The following CSMD1 variants were observed in gnomAD, a reference collection of about 807,000 sequenced individuals.
CSMD1 encodes CUB and Sushi multiple domains 1, also known as CUB and sushi domain-containing protein 1.
In CSMD1, 213 loss-of-function variants were observed where a neutral mutation model predicts 417.5. The observed-to-expected ratio is 0.51, with a 90% CI of 0.46 to 0.57. CSMD1 has a LOEUF of 0.57. Ranked by LOEUF, CSMD1 falls within the 20% of genes least tolerant of loss-of-function variation. The pLI, the probability that CSMD1 is intolerant of heterozygous loss-of-function variation, is 0.00. For missense variants in CSMD1, 6,923 were observed against 4,529.7 expected (o/e 1.53, Z -15.17); for synonymous variants, 2,862 against 1,736.8 (o/e 1.65, Z -16.11).
At position 4,890,580 on chromosome 8, in the gene CSMD1, G is replaced by T. The variant is rs536933660; in HGVS notation, c.85+103752C>A. ...CTCACAGTCATGGGCATCCTGGGCA[G>T]GACAGGTGAGAGCGTGACTCTGACA... On this transcript the variant is annotated intron_variant, in intron 1 of 69. Coordinates refer to ENST00000635120, the MANE Select transcript of CSMD1 (RefSeq NM_033225.6). 4.5e-4 allele frequency among the ~76,000 whole-genome samples: 67 copies of T among 150,180 alleles called. 1 individual carries two copies. Among genetic ancestry groups the T allele is most frequent in the Middle Eastern group, 3.4e-3 (1 of 292 alleles).
In CSMD1 at chr8:3,359,021, G is replaced by A. The variant is rs754070825; in HGVS notation, c.3304+131C>T. On this transcript the variant is annotated intron_variant, in intron 21 of 69. Transcript: ENST00000635120. ...GCTCCCCTCTCCCCTGGTTGGCAGA[G>A]TGGAGCCCACACTTTCACCCTCTCC... The A allele has an allele frequency of 3.1e-5, 24 of 775,034 alleles. No individual in the cohort carries two copies. In the Admixed American group the frequency reaches 3.2e-4, roughly 10 times the overall value. 48.0% of individuals were successfully genotyped at this position (775,034 alleles called of 1,614,324 possible). A position where few individuals can be genotyped will look rare whatever the true frequency, so the allele number is the denominator to read the frequency against.
intron 3 of CSMD1, among the ~76,000 whole-genome samples, chr8:4,158,629 A>G (rs1407548265): frequency 6.6e-6 from 1 of 152,086 alleles, no homozygotes; most frequent in Admixed American, 6.6e-5. Flanking sequence ...TAATTTTCAC[A>G]GTGGCGTTGC....
At chr8:4,989,363 T>C (rs1384177137) in intron 1 of CSMD1, among the ~76,000 whole-genome samples, 3 of 152,214 alleles carry the variant, frequency 2.0e-5, no homozygotes, top group Non-Finnish European at 2.9e-5. Context: ...ACTGCTGGTC[T>C]CTTAGTCCAA....
At chr8:4,641,220 T>G (rs1803170406) in intron 1 of CSMD1, among the ~76,000 whole-genome samples, 1 of 151,980 alleles carries the variant, frequency 6.6e-6, no homozygotes, top group Admixed American at 6.5e-5. Flanking sequence ...TCAAACAAAC[T>G]TCCAAGAGAA....
At chr8:4,432,262 A>G (rs1797914812) in intron 2 of CSMD1, among the ~76,000 whole-genome samples, 1 of 152,186 alleles carries the variant, frequency 6.6e-6, no homozygotes, top group East Asian at 1.9e-4. Context: ...ACAGGAACTT[A>G]ACTGTTTTCC....
chr8:4,617,470 C>G (rs530536122), intron 2 of CSMD1, among the ~76,000 whole-genome samples: 2 of 152,234 alleles, frequency 1.3e-5, no homozygotes, highest in East Asian at 3.9e-4. Flanking sequence ...TTGCCAGAAA[C>G]AGAAAGGTAA....
At chr8:4,787,557 G>T (rs1302372714) in intron 1 of CSMD1, 3 of 1,445,588 alleles carry the variant, frequency 2.1e-6, no homozygotes. Flanking sequence ...AGAAAATGTG[G>T]GGAGACAGCT....
intron 3 of CSMD1, among the ~76,000 whole-genome samples, chr8:4,094,134 G>A (rs559549670): frequency 6.6e-6 from 1 of 152,070 alleles, no homozygotes; most frequent in African/African-American, 2.4e-5. Context: ...CTCCGTGTGT[G>A]GGGGGGATGA....
At chr8:4,162,307 A>C (rs1000229953) in intron 3 of CSMD1, among the ~76,000 whole-genome samples, 4 of 152,222 alleles carry the variant, frequency 2.6e-5, no homozygotes, top group Middle Eastern at 3.2e-3. Context: ...AACTCAGCAA[A>C]GTTTAATGGA....
At chr8:3,764,856 C>T (rs1037218739) in intron 5 of CSMD1, among the ~76,000 whole-genome samples, 1 of 151,032 alleles carries the variant, frequency 6.6e-6, no homozygotes, top group Non-Finnish European at 1.5e-5. Flanking sequence ...AAGGGATTCT[C>T]ATGCCTCAGC....
chr8:3,501,742 CAAG>C (rs1321541568), intron 10 of CSMD1, among the ~76,000 whole-genome samples: 1 of 152,068 alleles, frequency 6.6e-6, no homozygotes, highest in Non-Finnish European at 1.5e-5. Context: ...AACACGGTTG[CAAG>C]AAGAACGATT....
At position 4,645,622 on chromosome 8, in the gene CSMD1, T is replaced by C. The variant is rs146615331; in HGVS notation, c.86-8064A>G. On this transcript the variant is annotated intron_variant, in intron 1 of 69. Transcript: ENST00000635120. ...GGCTGCCCATTTTGCAAAGTAATTG[T>C]AGACTGGCAAAAAGAGATGTCGAAG... 1.9e-3 allele frequency among the ~76,000 whole-genome samples: 282 copies of C among 152,134 alleles called. 1 individual carries two copies. Among genetic ancestry groups the C allele is most frequent in the African/African-American group, 6.6e-3 (273 of 41,502 alleles).
chr8:4,555,227 C>A (rs934016957), intron 2 of CSMD1, among the ~76,000 whole-genome samples: 3 of 152,052 alleles, frequency 2.0e-5, no homozygotes, highest in Admixed American at 2.0e-4. Context: ...GACCAGCTTA[C>A]GGGTTATTGC....
At chr8:3,200,127 C>T (rs150187053) in intron 32 of CSMD1, among the ~76,000 whole-genome samples, 21 of 152,156 alleles carry the variant, frequency 1.4e-4, no homozygotes, top group African/African-American at 2.4e-4. Flanking sequence ...TGCTCAGAAT[C>T]ACCTTACTCT....
chr8:3,628,169 C>A (rs1465346411), intron 7 of CSMD1, among the ~76,000 whole-genome samples: 7 of 152,258 alleles, frequency 4.6e-5, no homozygotes, highest in African/African-American at 1.7e-4. Context: ...CCTTTGGTTA[C>A]TGAATCTCTA....
rs1802251722 is a variant in CSMD1, at chr8:3,618,408, T to A, written c.1010-1611A>T. Among the ~76,000 whole-genome samples the A allele has an allele frequency of 2.0e-5, 3 of 152,348 alleles. No homozygotes were observed. In the South Asian group the frequency reaches 6.2e-4, roughly 32 times the overall value. Reference sequence around the variant, plus strand: ...ATTATGTGGTTTCATTCTTAGTAAGTACTTCACTATTCCAAACGGGTTAAG... The same window carrying A: ...ATTATGTGGTTTCATTCTTAGTAAGAACTTCACTATTCCAAACGGGTTAAG... On this transcript the variant is annotated intron_variant, in intron 7 of 69. Transcript: ENST00000635120.
chr8:4,042,866 G>A lies in CSMD1; in HGVS notation c.416-10767C>T, dbSNP rs183442945. 4.7e-4 allele frequency among the ~76,000 whole-genome samples: 66 copies of A among 140,710 alleles called. 2 individuals are homozygous for A. Among genetic ancestry groups the A allele is most frequent in the African/African-American group, 1.7e-3 (64 of 37,126 alleles). The allele number at this position is 140,710 out of a possible 152,430, so 92.3% of individuals were successfully genotyped here. A position where few individuals can be genotyped will look rare whatever the true frequency, so the allele number is the denominator to read the frequency against. ...AAGCAGGCTGGGCACGGTGGCTCATGCCTATAATCCCAGTACTTTGGGAGG... is the reference window on the plus strand; with the variant it reads ...AAGCAGGCTGGGCACGGTGGCTCATACCTATAATCCCAGTACTTTGGGAGG... On this transcript the variant is annotated intron_variant, in intron 3 of 69. Coordinates refer to ENST00000635120, the MANE Select transcript of CSMD1 (RefSeq NM_033225.6).
At position 3,188,991 on chromosome 8, in the gene CSMD1, T is replaced by A; in HGVS notation, c.5419A>T (p.Thr1807Ser). 6.2e-7 allele frequency: 1 copy of A among 1,613,256 alleles called. No homozygotes were observed. The highest frequency in any genetic ancestry group is 8.5e-7 in the Non-Finnish European group (1 of 1,179,550). The change falls in exon 35 of 70, where the codon ACT becomes TCT. Residue 1807 changes from threonine to serine, a missense_variant. Transcript: ENST00000635120. ...GACAGGATTGTACCTCTTCGTTGAG[T>A]GAAATTGCCACTGCAGGGTACTAAA... Reference protein sequence around the residue: ...SCVVPCSGNFTQRRGTILSPG... With the variant: ...SCVVPCSGNFSQRRGTILSPG...
intron 3 of CSMD1, among the ~76,000 whole-genome samples, chr8:4,136,104 G>C (rs1422627419): frequency 6.6e-6 from 1 of 152,154 alleles, no homozygotes; most frequent in Non-Finnish European, 1.5e-5. Flanking sequence ...GACTTCCTTT[G>C]AAGGAAACTT....
Sources: allele counts gnomAD v4.1 joint callset (sites outside exome capture counted in the v4.1 genomes callset), GRCh38; gene constraint gnomAD v4.1.1; transcripts MANE v1.5; gene names NCBI Gene and HGNC (gene_info 2026-07-23, HGNC 2026-07-21).